The following SPECC1 variants were observed in gnomAD, a reference collection of about 807,000 sequenced individuals.
SPECC1 encodes the protein cytospin-B.
In SPECC1, 62 loss-of-function variants were observed where a neutral mutation model predicts 104.1. The observed-to-expected ratio is 0.60, with a 90% CI of 0.49 to 0.74. The LOEUF (loss-of-function observed/expected upper bound fraction) is 0.74. SPECC1 is among the 30% of genes least tolerant of loss of function. The pLI is 0.00. For missense variants in SPECC1, 1,306 were observed against 1,310.5 expected, an observed-to-expected ratio of 1.00 and a Z score of 0.05; for synonymous variants, 513 against 501.6, an observed-to-expected ratio of 1.02 and a Z score of -0.30.
chr17:20,114,247 A>G (rs2048640063), intron 3 of SPECC1, among the ~76,000 whole-genome samples: 1 of 152,134 alleles, frequency 6.6e-6, no homozygotes, highest in South Asian at 2.1e-4. Flanking sequence ...GCTGGAGTGC[A>G]GTGGCGCAAT....
chr17:20,272,007 T>A (rs943211641), intron 12 of SPECC1, among the ~76,000 whole-genome samples: 10 of 150,688 alleles, frequency 6.6e-5, no homozygotes, highest in Non-Finnish European at 1.2e-4. Context: ...TTTTTTTTCC[T>A]CTGCAAAAGC....
chr17:20,181,069 T>C (rs1337044720), intron 3 of SPECC1, among the ~76,000 whole-genome samples: 1 of 152,128 alleles, frequency 6.6e-6, no homozygotes, highest in Non-Finnish European at 1.5e-5. Context: ...TGTTGTAAAA[T>C]AATCTCTGCA....
intron 3 of SPECC1, among the ~76,000 whole-genome samples, chr17:20,142,359 T>C (rs549017950): frequency 1.3e-5 from 2 of 152,338 alleles, no homozygotes; most frequent in South Asian, 4.1e-4. Flanking sequence ...TGAAAAGATA[T>C]TTGTGCGCCC....
At chr17:20,219,934 G>A (rs916616297) in intron 4 of SPECC1, among the ~76,000 whole-genome samples, 1 of 152,098 alleles carries the variant, frequency 6.6e-6, no homozygotes, top group Non-Finnish European at 1.5e-5. Flanking sequence ...TGAAGAGACT[G>A]TCTTTTCCTC....
At chr17:20,221,348 G>A (rs755486990) in intron 4 of SPECC1, among the ~76,000 whole-genome samples, 6 of 152,024 alleles carry the variant, frequency 3.9e-5, no homozygotes, top group Non-Finnish European at 7.4e-5. Context: ...ACTTGTTACC[G>A]GTCTGTTCAG....
chr17:20,164,085 C>G (rs1448283175), intron 3 of SPECC1, among the ~76,000 whole-genome samples: 1 of 151,950 alleles, frequency 6.6e-6, no homozygotes, highest in Non-Finnish European at 1.5e-5. Context: ...GATTATTTCC[C>G]CACTTGTTCT....
intron 1 of SPECC1, among the ~76,000 whole-genome samples, chr17:20,095,211 A>G (rs1400765778): frequency 6.6e-6 from 1 of 152,242 alleles, no homozygotes; most frequent in Non-Finnish European, 1.5e-5. Context: ...GGTGCTGAAC[A>G]TCTGTAAAAT....
At chr17:20,303,405 C>T (rs1451420404) in intron 13 of SPECC1, among the ~76,000 whole-genome samples, 2 of 152,288 alleles carry the variant, frequency 1.3e-5, no homozygotes, top group East Asian at 3.9e-4. Flanking sequence ...GCAGCTTGGG[C>T]AGGATCACCA....
intron 10 of SPECC1, among the ~76,000 whole-genome samples, chr17:20,254,137 G>GTGTA (rs2039735800): frequency 1.3e-5 from 1 of 75,498 alleles, no homozygotes; most frequent in African/African-American, 3.2e-5. Context: ...GTTACACCGT[G>GTGTA]TGTGTGTGTG....
intron 14 of SPECC1, among the ~76,000 whole-genome samples, chr17:20,312,083 T>C (rs576116146): frequency 6.6e-6 from 1 of 152,316 alleles, no homozygotes; most frequent in East Asian, 1.9e-4. Context: ...TTTCCTGTAA[T>C]GTTTATGTCT....
In SPECC1 at chr17:20,205,421, A is replaced by G. The variant is rs112247803; in HGVS notation, c.1372A>G (p.Thr458Ala). Residue 458 changes from threonine (T) to alanine (A), a missense_variant, in exon 4 of 15, where the codon ACT (threonine) becomes GCT (alanine). This residue lies in a region of SPECC1 where 1,177 missense variants were observed against 1,139.9 expected (regional missense o/e 1.03). Transcript: ENST00000395527. ...QERVKNEEPT[T>A]QEGKIIELEQ... ...GCGAGTAAAGAATGAAGAGCCCACC[A>G]CTCAGGAAGGAAAAATTATTGAACT... 3 of 1,614,094 alleles carry G rather than the reference A, an allele frequency of 1.9e-6. No individual in the cohort carries two copies. Among genetic ancestry groups the G allele is most frequent in the Non-Finnish European group, 2.5e-6 (3 of 1,180,024 alleles).
At chr17:20,027,313 G>A (rs908928642) in intron 1 of SPECC1, among the ~76,000 whole-genome samples, 5 of 152,130 alleles carry the variant, frequency 3.3e-5, no homozygotes, top group Non-Finnish European at 5.9e-5. Context: ...AGTCACTTGT[G>A]TGTTCTGGAT....
chr17:20,212,940 C>T (rs2037251975), intron 4 of SPECC1, among the ~76,000 whole-genome samples: 1 of 152,142 alleles, frequency 6.6e-6, no homozygotes, highest in Admixed American at 6.5e-5. Context: ...GCTTTTCCAT[C>T]ATTTAATCTT....
intron 1 of SPECC1, among the ~76,000 whole-genome samples, chr17:20,087,592 G>A (rs1216900494): frequency 3.3e-5 from 5 of 152,122 alleles, no homozygotes; most frequent in Admixed American, 3.3e-4. Flanking sequence ...CCTGGCTGGT[G>A]GGGCAGGGCC....
chr17:20,155,838 C>T (rs2032424086), intron 3 of SPECC1: 6 of 868,188 alleles, frequency 6.9e-6, no homozygotes, highest in Non-Finnish European at 8.6e-6. Context: ...CCGCCCACGG[C>T]GCGGGGCCTT....
chr17:20,099,968 C>T, intron 2 of SPECC1, among the ~76,000 whole-genome samples: 1 of 152,218 alleles, frequency 6.6e-6, no homozygotes, highest in South Asian at 2.1e-4. Context: ...TTGCATATAA[C>T]CTACACACAT....
intron 4 of SPECC1, among the ~76,000 whole-genome samples, chr17:20,219,691 A>G (rs548380902): frequency 1.3e-5 from 2 of 152,072 alleles, no homozygotes; most frequent in Non-Finnish European, 2.9e-5. Context: ...ATGTGATCTC[A>G]TAGGTTCATT....
chr17:20,059,065 C>A (rs893771567), intron 1 of SPECC1, among the ~76,000 whole-genome samples: 2 of 151,836 alleles, frequency 1.3e-5, no homozygotes, highest in African/African-American at 4.8e-5. Context: ...TGGTCTCGAT[C>A]TCCTGACCTC....
chr17:20,173,249 C>T (rs1476736816), intron 3 of SPECC1, among the ~76,000 whole-genome samples: 1 of 152,144 alleles, frequency 6.6e-6, no homozygotes. Context: ...TGTTAGCTGA[C>T]CTAAAGGTTT....
Sources: allele counts gnomAD v4.1 joint callset (sites outside exome capture counted in the v4.1 genomes callset), GRCh38; gene constraint gnomAD v4.1.1; regional missense constraint gnomAD v4.1.1; transcripts MANE v1.5; gene names NCBI Gene and HGNC (gene_info 2026-07-23, HGNC 2026-07-21).